PIP4K2A: variants seen among roughly 807,000 people sequenced by gnomAD.
The protein encoded by PIP4K2A is phosphatidylinositol-5-phosphate 4-kinase type 2 alpha, also known as phosphatidylinositol 5-phosphate 4-kinase type-2 alpha.
In PIP4K2A, 14 loss-of-function variants were observed where a neutral mutation model predicts 42.9. The observed-to-expected ratio is 0.33, with a 90% CI of 0.22 to 0.51. The LOEUF is 0.51. PIP4K2A is among the 20% of genes least tolerant of loss of function. The pLI, the probability that PIP4K2A is intolerant of heterozygous loss-of-function variation, is 0.97. For synonymous variants in PIP4K2A, 192 were observed against 192.2 expected (o/e 1.00, Z 0.01); for missense variants, 434 against 519.8 (o/e 0.83, Z 1.61).
chr10:22,667,928 G>C (rs1356195333), intron 1 of PIP4K2A, among the ~76,000 whole-genome samples: 1 of 128,074 alleles, frequency 7.8e-6, no homozygotes, highest in African/African-American at 3.0e-5. Flanking sequence ...GAGAGGGGGA[G>C]GGAGGGAGAC....
intron 1 of PIP4K2A, among the ~76,000 whole-genome samples, chr10:22,655,875 T>C (rs1564457060): frequency 6.6e-6 from 1 of 152,020 alleles, no homozygotes; most frequent in Non-Finnish European, 1.5e-5. Flanking sequence ...AAGAGCTGAG[T>C]GTGTTGTGCT....
At chr10:22,608,923 C>A (rs1406928737) in intron 2 of PIP4K2A, among the ~76,000 whole-genome samples, 1 of 152,096 alleles carries the variant, frequency 6.6e-6, no homozygotes, top group Non-Finnish European at 1.5e-5. Flanking sequence ...ATTTGAGGTT[C>A]ACCCTAATCA....
chr10:22,707,966 T>C (rs911392195), intron 1 of PIP4K2A, among the ~76,000 whole-genome samples: 2 of 151,904 alleles, frequency 1.3e-5, no homozygotes, highest in African/African-American at 4.8e-5. Flanking sequence ...GAGTTCCTAG[T>C]ACAAAAAAGA....
At chr10:22,576,351 T>C (rs1051665947) in intron 4 of PIP4K2A, among the ~76,000 whole-genome samples, 1 of 152,180 alleles carries the variant, frequency 6.6e-6, no homozygotes, top group African/African-American at 2.4e-5. Flanking sequence ...GAGACCTGAA[T>C]GAGAATCCTG....
At chr10:22,705,581 T>C (rs1833808167) in intron 1 of PIP4K2A, among the ~76,000 whole-genome samples, 1 of 150,160 alleles carries the variant, frequency 6.7e-6, no homozygotes, top group East Asian at 2.0e-4. Flanking sequence ...ATCTAAGGAA[T>C]CTCAGGGCTT....
intron 1 of PIP4K2A, among the ~76,000 whole-genome samples, chr10:22,664,056 TATATAC>T (rs1839264238): frequency 5.8e-5 from 5 of 86,810 alleles, no homozygotes; most frequent in African/African-American, 3.8e-4. Context: ...TACATATGTA[TATATAC>T]ATATATATAT....
At chr10:22,693,693 C>T (rs975481512) in intron 1 of PIP4K2A, among the ~76,000 whole-genome samples, 10 of 152,162 alleles carry the variant, frequency 6.6e-5, no homozygotes, top group African/African-American at 2.4e-4. Context: ...CCACAGATGA[C>T]CTTAACACAC....
At chr10:22,692,987 T>C (rs1839904123) in intron 1 of PIP4K2A, among the ~76,000 whole-genome samples, 1 of 152,226 alleles carries the variant, frequency 6.6e-6, no homozygotes, top group African/African-American at 2.4e-5. Context: ...CTCTGATACC[T>C]GGTGTGTGTC....
chr10:22,581,277 G>A (rs1394363000), intron 4 of PIP4K2A, among the ~76,000 whole-genome samples: 11 of 151,372 alleles, frequency 7.3e-5, no homozygotes, highest in Non-Finnish European at 3.0e-5. Flanking sequence ...CCTGGCACCT[G>A]GAGCGGAGGC....
At chr10:22,620,652 A>C (rs967784352) in intron 1 of PIP4K2A, among the ~76,000 whole-genome samples, 1 of 152,214 alleles carries the variant, frequency 6.6e-6, no homozygotes, top group East Asian at 1.9e-4. Flanking sequence ...AAAAATGGGA[A>C]GACCTGGCAC....
In PIP4K2A at chr10:22,536,729, A is replaced by AAAAAAAACAAAACAAAC. The variant is rs1835935656; in HGVS notation, c.*471_*472insGTTTGTTTTGTTTTTTT. On this transcript the variant is annotated 3_prime_UTR_variant, in exon 10 of 10. Coordinates refer to ENST00000376573, the MANE Select transcript of PIP4K2A (RefSeq NM_005028.5). ...CTTTCAACTCCAAAAAAAAAAAAAA[A>AAAAAAAACAAAACAAAC]AAAAAAAAACTGATCCACAGTTTGT... 1 of 149,352 alleles carries AAAAAAAACAAAACAAAC rather than the reference A, an allele frequency of 6.7e-6. No homozygotes were observed. The highest frequency in any genetic ancestry group is 2.1e-4 in the South Asian group (1 of 4,676). The allele number at this position is 149,352 out of a possible 1,614,324, so 9.3% of individuals were successfully genotyped here. A position where few individuals can be genotyped will look rare whatever the true frequency, so the allele number is the denominator to read the frequency against.
chr10:22,570,092 A>C lies in PIP4K2A; in HGVS notation c.640-2203T>G, dbSNP rs182180381. ...GGCATTGCAGGGGGATTAAAAAAAA[A>C]AAAGTTAAGTAGAAGAACATACTTG... On this transcript the variant is annotated intron_variant, in intron 5 of 9. Coordinates refer to ENST00000376573, the MANE Select transcript of PIP4K2A (RefSeq NM_005028.5). Among the ~76,000 whole-genome samples the C allele has an allele frequency of 3.8e-3, 578 of 152,326 alleles. 15 individuals carry two copies. Among genetic ancestry groups the C allele is most frequent in the Admixed American group, 0.033 (509 of 15,296 alleles).
intron 1 of PIP4K2A, among the ~76,000 whole-genome samples, chr10:22,639,230 T>A (rs185848390): frequency 6.6e-6 from 1 of 152,274 alleles, no homozygotes; most frequent in East Asian, 1.9e-4. Flanking sequence ...GAAAGCCATT[T>A]AGGTAACTGT....
intron 9 of PIP4K2A, among the ~76,000 whole-genome samples, chr10:22,538,890 A>C (rs1178717791): frequency 6.6e-6 from 1 of 152,256 alleles, no homozygotes; most frequent in East Asian, 1.9e-4. Context: ...GGCAAATAGA[A>C]TACTGTGTTT....
At chr10:22,580,954 G>C (rs1164342951) in intron 4 of PIP4K2A, among the ~76,000 whole-genome samples, 1 of 152,148 alleles carries the variant, frequency 6.6e-6, no homozygotes, top group African/African-American at 2.4e-5. Flanking sequence ...GCCAACTCCT[G>C]TCTGCAGACA....
At chr10:22,614,533 G>C (rs1178359165) in intron 1 of PIP4K2A, among the ~76,000 whole-genome samples, 7 of 152,018 alleles carry the variant, frequency 4.6e-5, no homozygotes. Flanking sequence ...AAACTTCTTC[G>C]TCAGGTGGTA....
At chr10:22,618,841 G>A (rs906959580) in intron 1 of PIP4K2A, among the ~76,000 whole-genome samples, 4 of 152,172 alleles carry the variant, frequency 2.6e-5, no homozygotes, top group Admixed American at 2.6e-4. Flanking sequence ...CTTGAAAGTT[G>A]TGTCCAATTT....
At chr10:22,539,710 A>C in intron 9 of PIP4K2A, 1 of 396,932 alleles carries the variant, frequency 2.5e-6, no homozygotes, top group Middle Eastern at 6.8e-4. Context: ...AGCCACAGGG[A>C]GCTGTGGTAA....
At chr10:22,641,244 G>A (rs1838777692) in intron 1 of PIP4K2A, among the ~76,000 whole-genome samples, 1 of 152,076 alleles carries the variant, frequency 6.6e-6, no homozygotes, top group African/African-American at 2.4e-5. Context: ...GGAAAAGCTG[G>A]GTGAAACTCC....
Sources: gnomAD v4.1 joint callset for allele counts (sites outside exome capture counted in the v4.1 genomes callset) on GRCh38, gnomAD v4.1.1 for gene constraint, MANE v1.5 for transcripts, NCBI Gene and HGNC (gene_info 2026-07-23, HGNC 2026-07-21) for gene names.